Variants in NDE1 observed in about 807,000 individuals in gnomAD.
NDE1 encodes nudE neurodevelopment protein 1.
Under a neutral mutation model 43.4 loss-of-function variants are expected in NDE1, and 28 were observed. The observed-to-expected ratio is 0.65, with a 90% CI of 0.48 to 0.89. The LOEUF (loss-of-function observed/expected upper bound fraction) is 0.89. Among genes scored for constraint, NDE1 ranks in the 40% least tolerant of loss-of-function variants. The probability of loss-of-function intolerance (pLI) is 0.00; values close to 1 mark genes in which losing one functional copy is unlikely to be tolerated. For synonymous variants in NDE1, 184 were observed against 172.0 expected (o/e 1.07, Z -0.55); for missense variants, 441 against 434.1 (o/e 1.02, Z -0.14).
At chr16:15,692,916 C>G (rs960908208) in intron 6 of NDE1, among the ~76,000 whole-genome samples, 2 of 151,690 alleles carry the variant, frequency 1.3e-5, no homozygotes, top group South Asian at 2.1e-4. Context: ...TTCCACACTT[C>G]AATATGCATG....
intron 1 of NDE1, among the ~76,000 whole-genome samples, chr16:15,661,428 G>A (rs1004250878): frequency 3.9e-5 from 6 of 151,938 alleles, no homozygotes; most frequent in Admixed American, 3.3e-4. Context: ...GATTACAGGT[G>A]TGAGCCACCG....
chr16:15,650,324 CG>C, intron 1 of NDE1, 30 bp downstream of exon 1: 1 of 252,086 alleles, frequency 4.0e-6, no homozygotes, highest in Middle Eastern at 1.5e-3. Flanking sequence ...GGGCTGGGGT[CG>C]GGGTGGCTGT....
intron 8 of NDE1, among the ~76,000 whole-genome samples, chr16:15,708,540 T>C (rs775577555): frequency 1.2e-4 from 18 of 152,192 alleles, no homozygotes; most frequent in Non-Finnish European, 2.4e-4. Context: ...GATGCAGTGA[T>C]AAGGGCGCAC....
intron 1 of NDE1, among the ~76,000 whole-genome samples, chr16:15,662,716 A>G (rs2037111160): frequency 6.6e-6 from 1 of 152,166 alleles, no homozygotes; most frequent in East Asian, 1.9e-4. Context: ...AGCTGGGAAC[A>G]CAGGCATGTG....
chr16:15,698,221 CATT>C (rs1002916182), intron 8 of NDE1, among the ~76,000 whole-genome samples: 1 of 152,056 alleles, frequency 6.6e-6, no homozygotes, highest in African/African-American at 2.4e-5. Context: ...CTAACAGTGT[CATT>C]AATTTTCTTG....
intron 8 of NDE1, among the ~76,000 whole-genome samples, chr16:15,699,007 C>T (rs1244412610): frequency 6.6e-6 from 1 of 151,364 alleles, no homozygotes; most frequent in Non-Finnish European, 1.5e-5. Flanking sequence ...GCCTCAGCCT[C>T]CCAAGTAGCT....
intron 1 of NDE1, among the ~76,000 whole-genome samples, chr16:15,662,430 C>T (rs1164055798): frequency 1.3e-5 from 2 of 151,350 alleles, no homozygotes; most frequent in African/African-American, 4.9e-5. Flanking sequence ...CTACAGGCAC[C>T]TGCCACCACG....
At chr16:15,677,306 A>G (rs1163706298) in intron 3 of NDE1, among the ~76,000 whole-genome samples, 1 of 152,054 alleles carries the variant, frequency 6.6e-6, no homozygotes, top group African/African-American at 2.4e-5. Context: ...GGGTCAGGCC[A>G]GGTGCAGTGG....
intron 8 of NDE1, among the ~76,000 whole-genome samples, chr16:15,722,420 G>C (rs1412661999): frequency 2.0e-5 from 3 of 152,194 alleles, no homozygotes. Flanking sequence ...AGAGAGAACA[G>C]AGCAGATTAT....
At chr16:15,719,686 G>C (rs1286560904) in intron 8 of NDE1, 1 of 1,614,044 alleles carries the variant, frequency 6.2e-7, no homozygotes, top group Non-Finnish European at 8.5e-7. Context: ...GCATCTTCCA[G>C]CTCTCTTTGA....
intron 8 of NDE1, among the ~76,000 whole-genome samples, chr16:15,710,260 C>T (rs532071081): frequency 2.6e-5 from 4 of 152,154 alleles, no homozygotes; most frequent in South Asian, 4.1e-4. Context: ...TGGTGGCTCA[C>T]GCCTGTAACC....
At chr16:15,696,381 C>G (rs1488285165) in intron 7 of NDE1, among the ~76,000 whole-genome samples, 1 of 114,356 alleles carries the variant, frequency 8.7e-6, no homozygotes, top group Admixed American at 9.9e-5. Context: ...AAGTAAAAAA[C>G]AAAACAAAAA....
chr16:15,714,102 G>GGA (rs1567681961), intron 8 of NDE1: 2 of 152,448 alleles, frequency 1.3e-5, no homozygotes, highest in African/African-American at 4.8e-5. Flanking sequence ...TTGAAATCAT[G>GGA]GAGAACTGTG....
chr16:15,694,193 C>A lies in NDE1; in HGVS notation c.732C>A (p.Pro244=). ...TGGACGACTCCACCGGGGGGACCCC[C>A]CTCACACCTGCGGCCCGGATATCAG... ...RGLDDSTGGT[P]LTPAARISAL... Residue 244 remains proline (P), a synonymous_variant, in exon 7 of 9, where the codon CCC becomes CCA. Transcript: ENST00000396354. 1 of 1,613,166 alleles carries A rather than the reference C, an allele frequency of 6.2e-7. No homozygotes were observed. The highest frequency in any genetic ancestry group is 8.5e-7 in the Non-Finnish European group (1 of 1,180,030).
At chr16:15,711,184 G>C (rs571217771) in intron 8 of NDE1, 4 of 152,346 alleles carry the variant, frequency 2.6e-5, no homozygotes, top group African/African-American at 9.6e-5. Flanking sequence ...CTTCTCAGAG[G>C]GGTTTGGACT....
At chr16:15,655,791 A>G (rs573240097) in intron 1 of NDE1, among the ~76,000 whole-genome samples, 1 of 152,104 alleles carries the variant, frequency 6.6e-6, no homozygotes, top group South Asian at 2.1e-4. Flanking sequence ...ATGGAATACT[A>G]TGCAGCCATA....
At chr16:15,700,941 A>G (rs542513556) in intron 8 of NDE1, among the ~76,000 whole-genome samples, 1 of 152,228 alleles carries the variant, frequency 6.6e-6, no homozygotes, top group South Asian at 2.1e-4. Context: ...ATGCCTTTTT[A>G]AAAACTGGAA....
intron 1 of NDE1, among the ~76,000 whole-genome samples, chr16:15,659,268 T>G (rs2036923258): frequency 6.6e-6 from 1 of 150,862 alleles, no homozygotes; most frequent in Admixed American, 6.7e-5. Flanking sequence ...GTGTTGACAC[T>G]TACATGTTTA....
chr16:15,692,196 G>A (rs951497057), intron 6 of NDE1, among the ~76,000 whole-genome samples: 4 of 152,180 alleles, frequency 2.6e-5, no homozygotes, highest in South Asian at 4.1e-4. Flanking sequence ...TGCAGCCTTC[G>A]CCGCAGGCCC....
Sources: gnomAD v4.1 joint callset for allele counts (sites outside exome capture counted in the v4.1 genomes callset) on GRCh38, gnomAD v4.1.1 for gene constraint, MANE v1.5 for transcripts, NCBI Gene and HGNC (gene_info 2026-07-23, HGNC 2026-07-21) for gene names.